AFF1: variants seen among roughly 807,000 people sequenced by gnomAD.
The protein encoded by AFF1 is AF4/FMR2 family member 1.
In AFF1, 48 loss-of-function variants were observed where a neutral mutation model predicts 121.7. That is an observed-to-expected ratio of 0.39 (90% confidence interval 0.31 to 0.50). The LOEUF (loss-of-function observed/expected upper bound fraction) is 0.50. Among genes scored for constraint, AFF1 ranks in the 20% least tolerant of loss-of-function variants. The pLI, the probability that AFF1 is intolerant of heterozygous loss-of-function variation, is 0.76. For missense variants in AFF1, 1,523 were observed against 1,511.7 expected (o/e 1.01, Z -0.12); for synonymous variants, 613 against 563.0 (o/e 1.09, Z -1.26).
intron 8 of AFF1, 85 bp from the exon 9 acceptor site, chr4:87,105,543 T>G (rs1725825989): frequency 1.4e-6 from 2 of 1,446,084 alleles, no homozygotes; most frequent in Admixed American, 3.4e-5. Flanking sequence ...CTTTGTTTAA[T>G]TAGGCATATT....
chr4:87,008,047 C>T (rs978308666), intron 2 of AFF1, among the ~76,000 whole-genome samples: 1 of 149,068 alleles, frequency 6.7e-6, no homozygotes, highest in East Asian at 1.9e-4. Flanking sequence ...CCCCGTCTTT[C>T]CATGGTTTGT....
chr4:87,088,901 A>G (rs1724011567), intron 5 of AFF1, among the ~76,000 whole-genome samples: 1 of 152,156 alleles, frequency 6.6e-6, no homozygotes. Context: ...ATGCACACCC[A>G]AACCCAGCTA....
At chr4:86,961,661 CAAA>C (rs3839151) in intron 2 of AFF1, among the ~76,000 whole-genome samples, 10 of 144,788 alleles carry the variant, frequency 6.9e-5, no homozygotes, top group Non-Finnish European at 1.4e-4. Flanking sequence ...ATTAGTTACC[CAAA>C]AAAAAAAAAA....
At chr4:87,040,564 C>T (rs1237895200) in intron 2 of AFF1, among the ~76,000 whole-genome samples, 11 of 142,440 alleles carry the variant, frequency 7.7e-5, no homozygotes, top group Admixed American at 2.1e-4. Context: ...TCCCCTCACC[C>T]TTTTTTTTTT....
At chr4:87,072,410 A>G (rs112840733) in intron 4 of AFF1, among the ~76,000 whole-genome samples, 4,877 of 151,646 alleles carry the variant, frequency 0.032, 140 homozygotes, top group Non-Finnish European at 0.049. Flanking sequence ...TTAAGAGGAC[A>G]TTTATTTTTT....
At chr4:87,130,268 C>T (rs561574941) in intron 16 of AFF1, among the ~76,000 whole-genome samples, 206 of 152,314 alleles carry the variant, frequency 1.4e-3, no homozygotes, top group Admixed American at 2.8e-3. Context: ...CCACCATGCC[C>T]GGCCCCTATT....
intron 12 of AFF1, among the ~76,000 whole-genome samples, chr4:87,123,353 T>G (rs1727908323): frequency 6.6e-6 from 1 of 152,202 alleles, no homozygotes; most frequent in South Asian, 2.1e-4. Flanking sequence ...CCATTCAAGT[T>G]CAGGTGCTCC....
chr4:86,961,769 T>TC (rs1355109315), intron 2 of AFF1, among the ~76,000 whole-genome samples: 1 of 152,136 alleles, frequency 6.6e-6, no homozygotes, highest in Non-Finnish European at 1.5e-5. Context: ...ATGTGTGCTC[T>TC]CTCAGAGCAC....
chr4:87,135,588 G>C lies in AFF1; in HGVS notation c.3544G>C (p.Ala1182Pro). 2 of 1,569,578 alleles carry C rather than the reference G, an allele frequency of 1.3e-6. No homozygotes were observed. The highest frequency in any genetic ancestry group is 1.7e-6 in the Non-Finnish European group (2 of 1,154,914). Reference sequence around the variant, plus strand: ...TTTTGTTTTTTTTGCAGAATTCTTTGCTCGGCTCAGCACAAATGTGTGCAC... The same window carrying C: ...TTTTGTTTTTTTTGCAGAATTCTTTCCTCGGCTCAGCACAAATGTGTGCAC... ...ALTRKNKEFF[A>P]RLSTNVCTLA... The change falls in exon 21 of 21, where the codon GCT becomes CCT. Residue 1182 changes from alanine (A) to proline (P), a missense_variant. Transcript: ENST00000395146.
At chr4:86,949,178 ATATTT>A (rs1026029400) in intron 2 of AFF1, among the ~76,000 whole-genome samples, 2 of 106,900 alleles carry the variant, frequency 1.9e-5, no homozygotes, top group African/African-American at 6.2e-5. Context: ...ATATATATAT[ATATTT>A]TTTTTTTTTG....
At chr4:87,123,672 A>G (rs914325577) in intron 12 of AFF1, among the ~76,000 whole-genome samples, 7 of 152,092 alleles carry the variant, frequency 4.6e-5, no homozygotes, top group African/African-American at 1.7e-4. Flanking sequence ...ATGCCAGGAG[A>G]AGGGAATTTT....
intron 11 of AFF1, among the ~76,000 whole-genome samples, chr4:87,113,732 G>A (rs1436686503): frequency 3.3e-5 from 5 of 152,164 alleles, no homozygotes; most frequent in African/African-American, 1.2e-4. Flanking sequence ...GTAAATGAGA[G>A]AAATGGGCCT....
intron 4 of AFF1, among the ~76,000 whole-genome samples, chr4:87,080,652 C>T (rs1050399447): frequency 2.6e-5 from 4 of 152,296 alleles, no homozygotes; most frequent in African/African-American, 9.6e-5. Flanking sequence ...ATAGCAAGAC[C>T]CCATCTCTGT....
In AFF1 at chr4:86,972,823, A is replaced by G. The variant is rs145787954; in HGVS notation, c.38+24252A>G. Among the ~76,000 whole-genome samples, 316 of 152,318 alleles carry G rather than the reference A, an allele frequency of 2.1e-3. 1 individual carries two copies. Among genetic ancestry groups the G allele is most frequent in the African/African-American group, 7.4e-3 (308 of 41,568 alleles). ...CCAAAGTGCTGGGATTACAGGCCTG[A>G]GCTAGCACACCTGGCCTAATATTAT... On this transcript the variant is annotated intron_variant, in intron 2 of 20. Coordinates refer to ENST00000395146, the MANE Select transcript of AFF1 (RefSeq NM_001166693.3).
At chr4:87,101,818 A>G (rs571904086) in intron 8 of AFF1, among the ~76,000 whole-genome samples, 23 of 152,356 alleles carry the variant, frequency 1.5e-4, no homozygotes, top group Non-Finnish European at 2.6e-4. Flanking sequence ...TACTATGAGC[A>G]CTTACTCTTT....
chr4:87,006,900 T>C, intron 2 of AFF1: 1 of 961,306 alleles, frequency 1.0e-6, no homozygotes, highest in South Asian at 4.7e-5. Context: ...CCGAGCGCCC[T>C]GCCCATTTAA....
At chr4:87,096,492 A>C (rs1724883505) in intron 8 of AFF1, among the ~76,000 whole-genome samples, 1 of 145,480 alleles carries the variant, frequency 6.9e-6, no homozygotes, top group Non-Finnish European at 1.5e-5. Context: ...TCAGCCTCCC[A>C]AAGTGCTGAG....
At chr4:87,083,831 T>G (rs529181647) in intron 4 of AFF1, among the ~76,000 whole-genome samples, 1 of 152,232 alleles carries the variant, frequency 6.6e-6, no homozygotes, top group South Asian at 2.1e-4. Context: ...GGCATGATCT[T>G]GGCTCACTGC....
intron 4 of AFF1, among the ~76,000 whole-genome samples, chr4:87,051,493 G>A (rs1731254069): frequency 6.7e-6 from 1 of 149,782 alleles, no homozygotes; most frequent in South Asian, 2.1e-4. Context: ...ACAGAGTCTT[G>A]CTCTGTCGCC....
Sources: gnomAD v4.1 joint callset for allele counts (sites outside exome capture counted in the v4.1 genomes callset) on GRCh38, gnomAD v4.1.1 for gene constraint, MANE v1.5 for transcripts, NCBI Gene and HGNC (gene_info 2026-07-23, HGNC 2026-07-21) for gene names.